The following PDE4B variants were observed in gnomAD, a reference collection of about 807,000 sequenced individuals.
PDE4B encodes phosphodiesterase 4B.
In PDE4B, 20 loss-of-function variants were observed where a neutral mutation model predicts 82.2. That is an observed-to-expected ratio of 0.24 (90% confidence interval 0.17 to 0.35). The LOEUF is 0.35. Ranked by LOEUF, PDE4B falls within the 10% of genes least tolerant of loss-of-function variation. The pLI, the probability that PDE4B is intolerant of heterozygous loss-of-function variation, is 1.00. For missense variants in PDE4B, 655 were observed against 907.2 expected, an observed-to-expected ratio of 0.72 and a Z score of 3.57; for synonymous variants, 320 against 318.9, an observed-to-expected ratio of 1.00 and a Z score of -0.04.
intron 7 of PDE4B, among the ~76,000 whole-genome samples, chr1:66,301,590 G>T (rs1003344647): frequency 1.3e-5 from 2 of 151,046 alleles, no homozygotes; most frequent in Non-Finnish European, 2.9e-5. Flanking sequence ...ATGCCAGATT[G>T]CCAGTCCATA....
chr1:65,918,599 T>C lies in PDE4B; in HGVS notation c.45T>C (p.Asn15=), dbSNP rs1470086199. The change falls in exon 3 of 17, where the codon AAT becomes AAC. Residue 15 remains asparagine (N), a splice_region_variant and synonymous_variant. Transcript: ENST00000341517. ...RSVMTVMADD[N]VKDYFECSLS... ...TTCTTTCCCTGTGGTTCCTCCAGAA[T>C]GTTAAAGATTATTTTGAATGTAGCT... is the stretch of plus-strand genomic sequence containing the variant. 1 of 1,555,392 alleles carries C rather than the reference T, an allele frequency of 6.4e-7. No individual in the cohort carries two copies. Among genetic ancestry groups the C allele is most frequent in the South Asian group, 1.1e-5 (1 of 89,814 alleles).
intron 3 of PDE4B, among the ~76,000 whole-genome samples, chr1:66,099,957 T>C (rs1246071381): frequency 6.6e-6 from 1 of 152,154 alleles, no homozygotes; most frequent in Non-Finnish European, 1.5e-5. Context: ...CATCACTTCA[T>C]CAAAGAAGTC....
intron 3 of PDE4B, among the ~76,000 whole-genome samples, chr1:66,083,789 C>T (rs1178423106): frequency 1.3e-5 from 2 of 152,182 alleles, no homozygotes; most frequent in East Asian, 3.9e-4. Flanking sequence ...TCTCCCTTCA[C>T]TAATTTCCTT....
At chr1:66,192,194 C>G (rs1427578289) in intron 3 of PDE4B, among the ~76,000 whole-genome samples, 1 of 152,086 alleles carries the variant, frequency 6.6e-6, no homozygotes, top group African/African-American at 2.4e-5. Flanking sequence ...CTCTCTCTCT[C>G]TGTGTCTCTT....
At chr1:66,053,240 A>G (rs1221790632) in intron 3 of PDE4B, among the ~76,000 whole-genome samples, 17 of 152,230 alleles carry the variant, frequency 1.1e-4, no homozygotes, top group Admixed American at 1.1e-3. Flanking sequence ...AATAAATTAT[A>G]CATGTTCTTA....
chr1:65,842,667 A>T (rs1007512554), intron 1 of PDE4B, among the ~76,000 whole-genome samples: 14 of 152,206 alleles, frequency 9.2e-5, no homozygotes, highest in African/African-American at 3.4e-4. Flanking sequence ...TTTGCTGAAC[A>T]GATAAATACA....
chr1:66,011,956 C>G lies in PDE4B; in HGVS notation c.281+93121C>G, dbSNP rs534881585. 6.6e-5 allele frequency among the ~76,000 whole-genome samples: 10 copies of G among 152,094 alleles called. No individual in the cohort carries two copies. The South Asian group carries it at 2.1e-3, about 32-fold the overall frequency. On this transcript the variant is annotated intron_variant, in intron 3 of 16. Coordinates refer to ENST00000341517, the MANE Select transcript of PDE4B (RefSeq NM_002600.4). Reference sequence around the variant, plus strand: ...TTTTCTAGGTTAGCCTAGTTAAAACCTCTTCTTTCTACATATTCAGTTAAG... The same window carrying G: ...TTTTCTAGGTTAGCCTAGTTAAAACGTCTTCTTTCTACATATTCAGTTAAG...
chr1:66,195,777 G>T (rs113303785), intron 3 of PDE4B, among the ~76,000 whole-genome samples: 234 of 152,292 alleles, frequency 1.5e-3, no homozygotes, highest in African/African-American at 5.3e-3. Context: ...GTGGCAGTTG[G>T]CTGGCTGATA....
At chr1:65,981,763 C>G (rs1650702507) in intron 3 of PDE4B, among the ~76,000 whole-genome samples, 1 of 152,042 alleles carries the variant, frequency 6.6e-6, no homozygotes, top group African/African-American at 2.4e-5. Flanking sequence ...ATAAAATTAA[C>G]TAGTACATAG....
rs568184904 is a variant in PDE4B at position 66,181,087 on chromosome 1, T to G, written c.282-66373T>G. Reference sequence around the variant, plus strand: ...CTCAATGCCCATATCAATACCATTGTGCTGAGTGACAGGAATGATGAATCT... The same window carrying G: ...CTCAATGCCCATATCAATACCATTGGGCTGAGTGACAGGAATGATGAATCT... On this transcript the variant is annotated intron_variant, in intron 3 of 16. Transcript: ENST00000341517. Among the ~76,000 whole-genome samples, 49 of 152,298 alleles carry G rather than the reference T, an allele frequency of 3.2e-4. No homozygotes were observed. The Middle Eastern group carries it at 0.014, about 42-fold the overall frequency.
intron 3 of PDE4B, among the ~76,000 whole-genome samples, chr1:65,920,412 C>A (rs534082786): frequency 6.6e-6 from 1 of 152,248 alleles, no homozygotes; most frequent in Non-Finnish European, 1.5e-5. Flanking sequence ...TTGAGTAACA[C>A]CCTGGGTAAA....
chr1:66,358,343 G>A (rs766700748), intron 9 of PDE4B, among the ~76,000 whole-genome samples: 1 of 152,144 alleles, frequency 6.6e-6, no homozygotes, highest in South Asian at 2.1e-4. Context: ...TTGGAAACAA[G>A]TCTTTAGGAA....
At chr1:65,991,381 C>T (rs1441379313) in intron 3 of PDE4B, among the ~76,000 whole-genome samples, 1 of 151,970 alleles carries the variant, frequency 6.6e-6, no homozygotes, top group Non-Finnish European at 1.5e-5. Context: ...ACGCTCAGCC[C>T]AAATGATTTT....
At chr1:66,218,202 C>T (rs1447750144) in intron 3 of PDE4B, among the ~76,000 whole-genome samples, 1 of 151,962 alleles carries the variant, frequency 6.6e-6, no homozygotes, top group Admixed American at 6.6e-5. Context: ...TTCTAACTAC[C>T]AAATTAAGGA....
At chr1:66,176,267 A>G (rs540597912) in intron 3 of PDE4B, among the ~76,000 whole-genome samples, 5 of 152,356 alleles carry the variant, frequency 3.3e-5, no homozygotes, top group Non-Finnish European at 2.9e-5. Flanking sequence ...TCTAACGGAT[A>G]GTGTCTTGAG....
chr1:66,110,894 G>T (rs1372989940), intron 3 of PDE4B, among the ~76,000 whole-genome samples: 2 of 151,760 alleles, frequency 1.3e-5, no homozygotes, highest in African/African-American at 4.8e-5. Flanking sequence ...TTAGGAATTG[G>T]CTGGGAGCTT....
At position 66,257,698 on chromosome 1, in the gene PDE4B, G is replaced by A; in HGVS notation, c.513+15G>A. ...CTTTTGCCCAGGTATGTATTATGCT[G>A]GCCCTGGCTTGCTTTCACTGTCGCT... On this transcript the variant is annotated intron_variant, in intron 5 of 16. Coordinates refer to ENST00000341517, the MANE Select transcript of PDE4B (RefSeq NM_002600.4). The A allele has an allele frequency of 6.2e-7, 1 of 1,612,978 alleles. No homozygotes were observed. Among genetic ancestry groups the A allele is most frequent in the South Asian group, 1.1e-5 (1 of 91,052 alleles).
intron 7 of PDE4B, among the ~76,000 whole-genome samples, chr1:66,286,885 A>C (rs1307101418): frequency 2.0e-5 from 3 of 152,150 alleles, no homozygotes; most frequent in African/African-American, 7.2e-5. Context: ...AAGAAAAGCT[A>C]ATGTATGCCC....
chr1:66,032,673 T>G (rs1399453106), intron 3 of PDE4B, among the ~76,000 whole-genome samples: 1 of 91,264 alleles, frequency 1.1e-5, no homozygotes, highest in Non-Finnish European at 2.4e-5. Flanking sequence ...TTTTTTTTTT[T>G]GAGAAGGAGT....
Sources: allele counts gnomAD v4.1 joint callset (sites outside exome capture counted in the v4.1 genomes callset), GRCh38; gene constraint gnomAD v4.1.1; transcripts MANE v1.5; gene names NCBI Gene and HGNC (gene_info 2026-07-23, HGNC 2026-07-21).